The following UBE2W variants were observed in gnomAD, a reference collection of about 807,000 sequenced individuals.
UBE2W encodes ubiquitin conjugating enzyme E2 W.
UBE2W carries 18 observed loss-of-function variants against 27.2 expected under a neutral mutation model. The ratio of observed to expected loss-of-function variants is 0.66; its 90% CI spans 0.46 to 0.98. The LOEUF is 0.98. UBE2W is among the 50% of genes least tolerant of loss of function. The pLI is 0.00. For synonymous variants in UBE2W, 53 were observed against 57.2 expected, an observed-to-expected ratio of 0.93 and a Z score of 0.33; for missense variants, 90 against 180.2, an observed-to-expected ratio of 0.50 and a Z score of 2.87.
intron 1 of UBE2W, among the ~76,000 whole-genome samples, chr8:73,841,820 A>G (rs1810547744): frequency 2.0e-5 from 3 of 152,260 alleles, no homozygotes; most frequent in Admixed American, 2.0e-4. Flanking sequence ...AGATGCTAAC[A>G]GAGGAGCTAC....
chr8:73,799,042 G>A (rs376405604), intron 5 of UBE2W, among the ~76,000 whole-genome samples: 5 of 151,972 alleles, frequency 3.3e-5, no homozygotes, highest in Admixed American at 1.3e-4. Flanking sequence ...TTCAAAGCAG[G>A]TATGACTTCA....
intron 5 of UBE2W, among the ~76,000 whole-genome samples, chr8:73,795,248 C>T (rs1808365446): frequency 6.6e-6 from 1 of 152,242 alleles, no homozygotes; most frequent in Non-Finnish European, 1.5e-5. Flanking sequence ...GGAGAGGGGC[C>T]TAATGGGGAG....
At chr8:73,873,025 C>G (rs1380404787) in intron 1 of UBE2W, among the ~76,000 whole-genome samples, 1 of 151,858 alleles carries the variant, frequency 6.6e-6, no homozygotes, top group Non-Finnish European at 1.5e-5. Flanking sequence ...CCTGCCTCAG[C>G]CTCTCAAATA....
chr8:73,829,475 C>A (rs1397652003), intron 2 of UBE2W, among the ~76,000 whole-genome samples: 1 of 151,876 alleles, frequency 6.6e-6, no homozygotes. Flanking sequence ...TGTTTTAGAA[C>A]AAGAGTTTAA....
At chr8:73,872,866 T>C (rs1468220398) in intron 1 of UBE2W, among the ~76,000 whole-genome samples, 1 of 152,114 alleles carries the variant, frequency 6.6e-6, no homozygotes, top group Non-Finnish European at 1.5e-5. Context: ...TAATTGTAAA[T>C]TTTTACTGTT....
At chr8:73,831,274 A>C in intron 1 of UBE2W, 1 of 257,524 alleles carries the variant, frequency 3.9e-6, no homozygotes, top group Non-Finnish European at 7.6e-6. Context: ...AATGAAGAAA[A>C]TATTTTGTTT....
At chr8:73,802,883 C>T (rs1320545067) in intron 5 of UBE2W, among the ~76,000 whole-genome samples, 3 of 152,224 alleles carry the variant, frequency 2.0e-5, no homozygotes, top group Non-Finnish European at 2.9e-5. Flanking sequence ...ATTAGCCGAG[C>T]GAGGTGGCGG....
chr8:73,826,148 T>A (rs577167090), intron 2 of UBE2W, among the ~76,000 whole-genome samples: 1 of 152,352 alleles, frequency 6.6e-6, no homozygotes, highest in South Asian at 2.1e-4. Flanking sequence ...TCTCTCACTA[T>A]GTTTCAATTG....
chr8:73,850,106 T>C (rs1205411047), intron 1 of UBE2W, among the ~76,000 whole-genome samples: 1 of 151,960 alleles, frequency 6.6e-6, no homozygotes, highest in East Asian at 1.9e-4. Flanking sequence ...ATAACCGAAT[T>C]GAGAAAGTCA....
At chr8:73,870,535 G>A (rs1351795603) in intron 1 of UBE2W, among the ~76,000 whole-genome samples, 1 of 152,032 alleles carries the variant, frequency 6.6e-6, no homozygotes, top group South Asian at 2.1e-4. Context: ...GAGGTGGGAG[G>A]TTACACAGCT....
In UBE2W at chr8:73,866,543, A is replaced by G. The variant is rs908601568; in HGVS notation, c.15+12265T>C. Among the ~76,000 whole-genome samples the G allele has an allele frequency of 5.3e-5, 8 of 151,692 alleles. No individual in the cohort carries two copies. In the East Asian group the frequency reaches 1.5e-3, roughly 29 times the overall value. ...AATAATCCCTACATTATATGCAAAA[A>G]TGAATTCAAAATGAATCAAAGACCC... is the stretch of plus-strand genomic sequence containing the variant. On this transcript the variant is annotated intron_variant, in intron 1 of 5. Transcript: ENST00000602593.
chr8:73,803,093 T>C (rs1484878444), intron 5 of UBE2W, among the ~76,000 whole-genome samples: 2 of 151,922 alleles, frequency 1.3e-5, no homozygotes, highest in Non-Finnish European at 2.9e-5. Flanking sequence ...GGCGCGCCTG[T>C]AATCCCAGCT....
chr8:73,861,068 A>G (rs1427708684), intron 1 of UBE2W, among the ~76,000 whole-genome samples: 1 of 152,178 alleles, frequency 6.6e-6, no homozygotes, highest in Non-Finnish European at 1.5e-5. Context: ...CAGTTAAGGT[A>G]CAGTTGTATC....
chr8:73,855,990 TATAC>T (rs1811281995), intron 1 of UBE2W, among the ~76,000 whole-genome samples: 1 of 152,212 alleles, frequency 6.6e-6, no homozygotes, highest in Non-Finnish European at 1.5e-5. Flanking sequence ...TCTATAGTTT[TATAC>T]ATAGTTTATA....
At chr8:73,805,836 C>G in intron 4 of UBE2W, 110 bp from the exon 5 acceptor site, 1 of 552,028 alleles carries the variant, frequency 1.8e-6, no homozygotes, top group East Asian at 3.0e-5. Flanking sequence ...ACAATATAAA[C>G]ATGAATAGTA....
intron 1 of UBE2W, among the ~76,000 whole-genome samples, chr8:73,873,317 G>A (rs990805682): frequency 1.3e-5 from 2 of 152,188 alleles, no homozygotes; most frequent in Admixed American, 1.3e-4. Context: ...ATGTCTGTAA[G>A]AGTCCATGTT....
chr8:73,824,932 G>A (rs1438920856), intron 3 of UBE2W, among the ~76,000 whole-genome samples: 1 of 152,152 alleles, frequency 6.6e-6, no homozygotes, highest in Non-Finnish European at 1.5e-5. Flanking sequence ...TTATGGATAA[G>A]CAACAAATGA....
chr8:73,826,359 C>T (rs938311490), intron 2 of UBE2W, among the ~76,000 whole-genome samples: 1 of 152,108 alleles, frequency 6.6e-6, no homozygotes, highest in Non-Finnish European at 1.5e-5. Flanking sequence ...CAATGTGTTC[C>T]TAATTATAGC....
Position 73,796,877 on chromosome 8 carries a change from C to A in UBE2W, c.443-2762G>T, listed in dbSNP as rs190965599. Among the ~76,000 whole-genome samples, 64 of 127,096 alleles carry A rather than the reference C, an allele frequency of 5.0e-4. No homozygotes were observed. The East Asian group carries it at 0.013, about 25-fold the overall frequency. 83.4% of individuals were successfully genotyped at this position (127,096 alleles called of 152,430 possible). A position where few individuals can be genotyped will look rare whatever the true frequency, so the allele number is the denominator to read the frequency against. On this transcript the variant is annotated intron_variant, in intron 5 of 5. Transcript: ENST00000602593. ...TTGGATACCAGGACAAACTCACCCC[C>A]CAACCAAAAATAAATAAATAAAAAA...
Sources: gnomAD v4.1 joint callset for allele counts (sites outside exome capture counted in the v4.1 genomes callset) on GRCh38, gnomAD v4.1.1 for gene constraint, MANE v1.5 for transcripts, NCBI Gene and HGNC (gene_info 2026-07-23, HGNC 2026-07-21) for gene names.